Variants in CPQ observed in about 807,000 individuals in gnomAD.
CPQ encodes the protein carboxypeptidase Q, also known as Ser-Met dipeptidase.
CPQ carries 37 observed loss-of-function variants against 45.7 expected under a neutral mutation model. The ratio of observed to expected loss-of-function variants is 0.81; its 90% CI spans 0.62 to 1.07. CPQ has a LOEUF of 1.07. CPQ is among the 50% of genes least tolerant of loss of function. CPQ has a pLI of 0.00. For missense variants in CPQ, 537 were observed against 572.9 expected (o/e 0.94, Z 0.64); for synonymous variants, 186 against 205.8 (o/e 0.90, Z 0.82).
At chr8:96,869,923 T>C (rs1812044434) in intron 3 of CPQ, among the ~76,000 whole-genome samples, 1 of 152,030 alleles carries the variant, frequency 6.6e-6, no homozygotes, top group African/African-American at 2.4e-5. Context: ...CAAAATTCAA[T>C]AAACATCTTC....
chr8:96,772,868 A>G (rs1810562538), intron 1 of CPQ, among the ~76,000 whole-genome samples: 1 of 152,218 alleles, frequency 6.6e-6, no homozygotes, highest in African/African-American at 2.4e-5. Context: ...AGAGTTTGGT[A>G]TAAGGCAATT....
chr8:97,071,504 A>C (rs572496687), intron 7 of CPQ, among the ~76,000 whole-genome samples: 18 of 152,210 alleles, frequency 1.2e-4, no homozygotes, highest in South Asian at 1.0e-3. Flanking sequence ...CATAAAGCCA[A>C]ATGTTTACAA....
chr8:96,785,425 G>A lies in CPQ; in HGVS notation c.433+95G>A, dbSNP rs1034339888. On this transcript the variant is annotated intron_variant, in intron 2 of 7. Coordinates refer to ENST00000220763, the MANE Select transcript of CPQ (RefSeq NM_016134.4). ...TATGCATGATTCATATTATAATTTG[G>A]ATAATTTCCTATTCCATTGGCTTAA... The A allele has an allele frequency of 1.7e-5, 18 of 1,067,014 alleles. No homozygotes were observed. In the African/African-American group the frequency reaches 2.4e-4, roughly 14 times the overall value. 66.1% of individuals were successfully genotyped at this position (1,067,014 alleles called of 1,614,324 possible).
At chr8:97,047,111 G>A (rs1810271663) in intron 6 of CPQ, among the ~76,000 whole-genome samples, 1 of 152,142 alleles carries the variant, frequency 6.6e-6, no homozygotes, top group Non-Finnish European at 1.5e-5. Flanking sequence ...GCATCTATGT[G>A]ATCATTTATA....
At chr8:96,963,315 C>T (rs1236290367) in intron 4 of CPQ, among the ~76,000 whole-genome samples, 1 of 152,218 alleles carries the variant, frequency 6.6e-6, no homozygotes, top group Non-Finnish European at 1.5e-5. Flanking sequence ...GATTACACCA[C>T]TACTTTCTGA....
At chr8:96,928,820 G>A (rs1050659293) in intron 4 of CPQ, among the ~76,000 whole-genome samples, 1 of 152,114 alleles carries the variant, frequency 6.6e-6, no homozygotes, top group Non-Finnish European at 1.5e-5. Context: ...ATGATACTCC[G>A]AGTCTGAGGG....
chr8:97,071,258 T>G (rs1187617514), intron 7 of CPQ, among the ~76,000 whole-genome samples: 2 of 152,180 alleles, frequency 1.3e-5, no homozygotes, highest in East Asian at 3.9e-4. Flanking sequence ...TTAAGCATCC[T>G]TATTAATCAA....
chr8:97,056,235 G>C (rs1042277449), intron 6 of CPQ, among the ~76,000 whole-genome samples: 3 of 152,072 alleles, frequency 2.0e-5, no homozygotes, highest in Admixed American at 2.0e-4. Flanking sequence ...AGTAGCTGTG[G>C]GATATGAGTG....
intron 4 of CPQ, among the ~76,000 whole-genome samples, chr8:96,883,061 T>G (rs754953400): frequency 1.3e-4 from 20 of 152,250 alleles, no homozygotes; most frequent in Non-Finnish European, 2.1e-4. Flanking sequence ...CTTATTTCAC[T>G]CAGCATAATG....
chr8:96,741,211 A>G (rs986447072), intron 1 of CPQ, among the ~76,000 whole-genome samples: 7 of 152,160 alleles, frequency 4.6e-5, no homozygotes, highest in Non-Finnish European at 1.0e-4. Flanking sequence ...GGGAAGGTGT[A>G]TGTGTCAAGG....
At chr8:97,124,225 C>CAA (rs34933920) in intron 7 of CPQ, among the ~76,000 whole-genome samples, 480 of 42,564 alleles carry the variant, frequency 0.011, 50 homozygotes, top group African/African-American at 0.018. Flanking sequence ...GACTCCGTCT[C>CAA]AAAAAAAAAA....
chr8:96,869,708 G>T (rs1410494439), intron 3 of CPQ, among the ~76,000 whole-genome samples: 1 of 152,054 alleles, frequency 6.6e-6, no homozygotes, highest in East Asian at 1.9e-4. Flanking sequence ...GAATTTGTTA[G>T]AAATGAAAGT....
At chr8:96,728,783 G>A (rs1208116644) in intron 1 of CPQ, among the ~76,000 whole-genome samples, 1 of 152,146 alleles carries the variant, frequency 6.6e-6, no homozygotes, top group Non-Finnish European at 1.5e-5. Flanking sequence ...AGTGGAGTTC[G>A]TTAGAGCAAG....
chr8:96,727,861 A>G (rs539446880), intron 1 of CPQ, among the ~76,000 whole-genome samples: 2 of 152,296 alleles, frequency 1.3e-5, no homozygotes, highest in South Asian at 4.1e-4. Flanking sequence ...AAAAATAGTT[A>G]TCTAGATTTT....
chr8:96,659,709 A>C (rs911396213), intron 1 of CPQ, among the ~76,000 whole-genome samples: 2 of 152,118 alleles, frequency 1.3e-5, no homozygotes, highest in Non-Finnish European at 2.9e-5. Flanking sequence ...AGTTAATTTG[A>C]TGTGTCTGAA....
intron 1 of CPQ, among the ~76,000 whole-genome samples, chr8:96,744,341 A>T (rs1420989494): frequency 1.3e-5 from 2 of 152,188 alleles, no homozygotes; most frequent in Non-Finnish European, 2.9e-5. Context: ...CTGCTCTCGC[A>T]CAGTGCGCGC....
intron 1 of CPQ, among the ~76,000 whole-genome samples, chr8:96,703,849 A>C (rs1276765846): frequency 6.6e-6 from 1 of 152,208 alleles, no homozygotes; most frequent in East Asian, 1.9e-4. Flanking sequence ...ATTCTTATCC[A>C]TGAGGATATT....
chr8:96,969,771 A>G (rs1393568622), intron 5 of CPQ, among the ~76,000 whole-genome samples: 3 of 152,176 alleles, frequency 2.0e-5, no homozygotes, highest in African/African-American at 7.2e-5. Flanking sequence ...TTTTTGTGTA[A>G]TAAGTATGTG....
intron 4 of CPQ, among the ~76,000 whole-genome samples, chr8:96,948,047 C>T (rs2130332620): frequency 6.6e-6 from 1 of 152,094 alleles, no homozygotes; most frequent in Non-Finnish European, 1.5e-5. Context: ...CTCCTGCTTG[C>T]CTTCCATATC....
Sources: allele counts gnomAD v4.1 joint callset (sites outside exome capture counted in the v4.1 genomes callset), GRCh38; gene constraint gnomAD v4.1.1; transcripts MANE v1.5; gene names NCBI Gene and HGNC (gene_info 2026-07-23, HGNC 2026-07-21).